The following AKAP10 variants were observed in gnomAD, a reference collection of about 807,000 sequenced individuals.
The protein encoded by AKAP10 is A-kinase anchor protein 10, mitochondrial.
In AKAP10, 24 loss-of-function variants were observed where a neutral mutation model predicts 80.8. The ratio of observed to expected loss-of-function variants is 0.30; its 90% CI spans 0.22 to 0.42. AKAP10 has a LOEUF of 0.42. Among genes scored for constraint, AKAP10 ranks in the 10% least tolerant of loss-of-function variants. The pLI is 1.00. For synonymous variants in AKAP10, 291 were observed against 277.7 expected, an observed-to-expected ratio of 1.05 and a Z score of -0.48; for missense variants, 661 against 794.9, an observed-to-expected ratio of 0.83 and a Z score of 2.03.
At chr17:19,912,562 C>T (rs2042702398) in intron 12 of AKAP10, among the ~76,000 whole-genome samples, 1 of 151,738 alleles carries the variant, frequency 6.6e-6, no homozygotes, top group Admixed American at 6.6e-5. Flanking sequence ...GAAACAAAAA[C>T]AGAAAATTAG....
intron 7 of AKAP10, 61 bp from the exon 8 acceptor site, chr17:19,939,910 T>TA (rs757918554): frequency 3.7e-5 from 57 of 1,535,146 alleles, no homozygotes; most frequent in Non-Finnish European, 4.1e-5. Flanking sequence ...TCACAATCTC[T>TA]AATCTATAAG....
chr17:19,931,735 C>G (rs1361214724), intron 10 of AKAP10, 70 bp downstream of exon 10: 2 of 1,473,204 alleles, frequency 1.4e-6, no homozygotes, highest in Non-Finnish European at 1.8e-6. Context: ...ATAATAGGAT[C>G]TGTTACTGGG....
rs375359788 is a variant in AKAP10 at position 19,916,666 on chromosome 17, G to A, written c.1834+3370C>T. Among the ~76,000 whole-genome samples, 60 of 151,742 alleles carry A rather than the reference G, an allele frequency of 4.0e-4. No individual in the cohort carries two copies. In the South Asian group the frequency reaches 0.01, roughly 26 times the overall value. On this transcript the variant is annotated intron_variant, in intron 12 of 14. Transcript: ENST00000225737. ...AAAAAAAAAAAATCAGGCCAGGCAC[G>A]GTGGCTCACACCTGTAATCCCAGCA... is the stretch of plus-strand genomic sequence containing the variant.
At chr17:19,942,570 G>A (rs1188258530) in intron 5 of AKAP10, among the ~76,000 whole-genome samples, 1 of 152,166 alleles carries the variant, frequency 6.6e-6, no homozygotes, top group Non-Finnish European at 1.5e-5. Context: ...TTCTGGGATT[G>A]TAACTTAAAA....
intron 4 of AKAP10, among the ~76,000 whole-genome samples, chr17:19,949,746 A>G (rs1004054443): frequency 1.3e-5 from 2 of 150,562 alleles, no homozygotes; most frequent in Non-Finnish European, 3.0e-5. Flanking sequence ...CCAGCCTGGT[A>G]ACAGAAAGAG....
At chr17:19,939,905 A>G (rs963404161) in intron 7 of AKAP10, 56 bp from the exon 8 acceptor site, 21 of 1,544,084 alleles carry the variant, frequency 1.4e-5, no homozygotes, top group African/African-American at 5.6e-5. Context: ...TTCTCTCACA[A>G]TCTCTAATCT....
chr17:19,948,416 G>A (rs2043159588), intron 4 of AKAP10, among the ~76,000 whole-genome samples: 1 of 152,102 alleles, frequency 6.6e-6, no homozygotes, highest in South Asian at 2.1e-4. Context: ...CAAAGAGAGT[G>A]GAGGAAATCC....
At chr17:19,956,911 G>GGGAAGGAAGGAGGGAGGGA (rs2043283267) in intron 4 of AKAP10, among the ~76,000 whole-genome samples, 1 of 151,956 alleles carries the variant, frequency 6.6e-6, no homozygotes, top group Non-Finnish European at 1.5e-5. Context: ...GCCTGGTTGA[G>GGGAAGGAAGGAGGGAGGGA]GGAAGGAAGG....
At chr17:19,922,010 C>G (rs1385534407) in intron 11 of AKAP10, among the ~76,000 whole-genome samples, 1 of 152,070 alleles carries the variant, frequency 6.6e-6, no homozygotes, top group Non-Finnish European at 1.5e-5. Flanking sequence ...AATAAGCAAA[C>G]AAAAGTGCAT....
intron 12 of AKAP10, among the ~76,000 whole-genome samples, chr17:19,917,680 A>G (rs994463240): frequency 6.6e-6 from 1 of 152,212 alleles, no homozygotes; most frequent in Admixed American, 6.5e-5. Flanking sequence ...CACGCCTGTA[A>G]GCCCAGTACT....
chr17:19,916,443 T>C (rs2042742899), intron 12 of AKAP10, among the ~76,000 whole-genome samples: 1 of 152,162 alleles, frequency 6.6e-6, no homozygotes, highest in Non-Finnish European at 1.5e-5. Flanking sequence ...ACTGAATGAA[T>C]AGAACGAGCA....
chr17:19,968,413 C>T lies in AKAP10; in HGVS notation c.136+1G>A. On this transcript the variant is annotated splice_donor_variant, in intron 2 of 14. Coordinates refer to ENST00000225737, the MANE Select transcript of AKAP10 (RefSeq NM_007202.4). LOFTEE classifies it high-confidence loss of function. ...AGTGGACTGCCAAGGGCAGAACTTACCTTTAATGGACTTCACATCTGAGGT... is the reference window on the plus strand; with the variant it reads ...AGTGGACTGCCAAGGGCAGAACTTATCTTTAATGGACTTCACATCTGAGGT... 6.2e-7 allele frequency: 1 copy of T among 1,613,172 alleles called. No homozygotes were observed. Among genetic ancestry groups the T allele is most frequent in the East Asian group, 2.2e-5 (1 of 44,840 alleles).
intron 2 of AKAP10, among the ~76,000 whole-genome samples, chr17:19,963,896 C>CAA (rs568877131): frequency 7.8e-6 from 1 of 128,688 alleles, no homozygotes; most frequent in Non-Finnish European, 1.7e-5. Context: ...AACTCCATCT[C>CAA]AAAAAAAAAA....
intron 5 of AKAP10, among the ~76,000 whole-genome samples, chr17:19,946,346 T>G (rs1417185406): frequency 5.7e-5 from 7 of 122,840 alleles, no homozygotes; most frequent in Non-Finnish European, 9.9e-5. Context: ...ACCTACAGTA[T>G]GAAAAACACT....
chr17:19,962,697 C>A, intron 3 of AKAP10, 143 bp downstream of exon 3: 1 of 785,104 alleles, frequency 1.3e-6, no homozygotes, highest in East Asian at 2.6e-5. Flanking sequence ...ACACAGCTAC[C>A]CATTATACTT....
At position 19,947,440 on chromosome 17, in the gene AKAP10, G is replaced by A; in HGVS notation, c.943C>T (p.Pro315Ser). The A allele has an allele frequency of 6.2e-7, 1 of 1,611,514 alleles. No individual in the cohort carries two copies. The highest frequency in any genetic ancestry group is 8.5e-7 in the Non-Finnish European group (1 of 1,177,860). ...YISPDAAKPI[P>S]ITEAMRNDII... ...TCATTTCTCATTGCTTCTGTAATTG[G>A]TATTGGTTTAGCAGCATCTGGAGAT... Residue 315 changes from proline (P) to serine (S), a missense_variant, in exon 5 of 15, where the codon CCA (proline) becomes TCA (serine). Coordinates refer to ENST00000225737, the MANE Select transcript of AKAP10 (RefSeq NM_007202.4).
At chr17:19,918,510 C>G (rs1385286147) in intron 12 of AKAP10, among the ~76,000 whole-genome samples, 10 of 152,188 alleles carry the variant, frequency 6.6e-5, no homozygotes, top group Admixed American at 5.9e-4. Context: ...TTAGTAGAGA[C>G]AGGGTTTCAC....
At position 19,962,919 on chromosome 17, in the gene AKAP10, C is replaced by T. The variant is rs1405397315; in HGVS notation, c.240G>A (p.Met80Ile). The change falls in exon 3 of 15, where the codon ATG (methionine) becomes ATA (isoleucine). Residue 80 changes from methionine to isoleucine, a missense_variant. By Grantham distance (10) the Met-to-Ile change is conservative. Coordinates refer to ENST00000225737, the MANE Select transcript of AKAP10 (RefSeq NM_007202.4). ...CTGTCCTGCTACTTGAAAAGGAGTC[C>T]ATGTTGGCAGAAATGGCATTGATTG... is the stretch of plus-strand genomic sequence containing the variant. The part of the protein sequence containing the change: ...HVAINAISAN[M>I]DSFSSSRTAT... 1 of 1,614,016 alleles carries T rather than the reference C, an allele frequency of 6.2e-7. No homozygotes were observed.
chr17:19,945,873 T>A (rs577334081), intron 5 of AKAP10, among the ~76,000 whole-genome samples: 1 of 152,018 alleles, frequency 6.6e-6, no homozygotes, highest in Non-Finnish European at 1.5e-5. Context: ...TTAGGACTTA[T>A]GAGAATGTAA....
Sources: gnomAD v4.1 joint callset for allele counts (sites outside exome capture counted in the v4.1 genomes callset) on GRCh38, gnomAD v4.1.1 for gene constraint, MANE v1.5 for transcripts, NCBI Gene and HGNC (gene_info 2026-07-23, HGNC 2026-07-21) for gene names.